Variants in ST6GALNAC3 observed in about 807,000 individuals in gnomAD.
ST6GALNAC3 encodes the protein ST6 N-acetylgalactosaminide alpha-2,6-sialyltransferase 3, also known as alpha-N-acetylgalactosaminide alpha-2,6-sialyltransferase 3.
A neutral mutation model predicts 32.7 loss-of-function variants in ST6GALNAC3; 25 were observed. The observed-to-expected ratio is 0.76, with a 90% confidence interval of 0.56 to 1.07. ST6GALNAC3 has a LOEUF of 1.07. ST6GALNAC3 is among the 50% of genes least tolerant of loss of function. The pLI, the probability that ST6GALNAC3 is intolerant of heterozygous loss-of-function variation, is 0.00. For missense variants in ST6GALNAC3, 355 were observed against 382.4 expected, an observed-to-expected ratio of 0.93 and a Z score of 0.60; for synonymous variants, 129 against 133.1, an observed-to-expected ratio of 0.97 and a Z score of 0.21.
At chr1:76,429,340 T>C (rs1655597284) in intron 3 of ST6GALNAC3, among the ~76,000 whole-genome samples, 1 of 152,176 alleles carries the variant, frequency 6.6e-6, no homozygotes, top group Non-Finnish European at 1.5e-5. Context: ...TAAAGTAGTG[T>C]CTATACTTTT....
At chr1:76,516,780 T>C (rs533922143) in intron 3 of ST6GALNAC3, among the ~76,000 whole-genome samples, 5 of 152,250 alleles carry the variant, frequency 3.3e-5, no homozygotes, top group African/African-American at 9.6e-5. Context: ...CTCTTGTAAA[T>C]GGTCCTTTGT....
At chr1:76,494,429 G>GTGTATATATA (rs1434515507) in intron 3 of ST6GALNAC3, among the ~76,000 whole-genome samples, 1 of 53,420 alleles carries the variant, frequency 1.9e-5, no homozygotes, top group African/African-American at 6.3e-5. Flanking sequence ...GTGTGCATGT[G>GTGTATATATA]TATATATATA....
At chr1:76,301,681 G>T (rs1660733415) in intron 1 of ST6GALNAC3, among the ~76,000 whole-genome samples, 2 of 151,864 alleles carry the variant, frequency 1.3e-5, no homozygotes, top group African/African-American at 4.8e-5. Context: ...TAACATGCAT[G>T]TTTCACTCTA....
In ST6GALNAC3 at chr1:76,182,824, G is replaced by A. The variant is rs938337696; in HGVS notation, c.18+107940G>A. 3.3e-5 allele frequency among the ~76,000 whole-genome samples: 5 copies of A among 150,716 alleles called. No individual in the cohort carries two copies. The East Asian group carries it at 7.7e-4, about 23-fold the overall frequency. ...CATAGATTTTCATTTTAATGGGAGTGTTGTAATACCTTCATAATTTTTTTT... is the reference window on the plus strand; with the variant it reads ...CATAGATTTTCATTTTAATGGGAGTATTGTAATACCTTCATAATTTTTTTT... On this transcript the variant is annotated intron_variant, in intron 1 of 4. Transcript: ENST00000328299.
chr1:76,135,737 C>T (rs1056536364), intron 1 of ST6GALNAC3, among the ~76,000 whole-genome samples: 2 of 152,208 alleles, frequency 1.3e-5, no homozygotes, highest in African/African-American at 4.8e-5. Flanking sequence ...TTTCAGGCAA[C>T]TTCTTCAAAG....
chr1:76,219,486 T>G (rs955082837), intron 1 of ST6GALNAC3, among the ~76,000 whole-genome samples: 1 of 152,188 alleles, frequency 6.6e-6, no homozygotes, highest in African/African-American at 2.4e-5. Flanking sequence ...GCCTGGTGTT[T>G]TATCCTAGCT....
At chr1:76,288,399 G>T (rs548055070) in intron 1 of ST6GALNAC3, among the ~76,000 whole-genome samples, 1 of 152,290 alleles carries the variant, frequency 6.6e-6, no homozygotes, top group African/African-American at 2.4e-5. Context: ...AACTACATCA[G>T]AGACCAGTCT....
At position 76,140,797 on chromosome 1, in the gene ST6GALNAC3, ATTTT is replaced by A. The variant is rs3042284; in HGVS notation, c.18+65933_18+65936del. Among the ~76,000 whole-genome samples, 271 of 120,378 alleles carry A rather than the reference ATTTT, an allele frequency of 2.3e-3. 4 individuals are homozygous for A. Among genetic ancestry groups the A allele is most frequent in the African/African-American group, 7.3e-3 (231 of 31,568 alleles). The allele number at this position is 120,378 out of a possible 152,430, so 79.0% of individuals were successfully genotyped here. On this transcript the variant is annotated intron_variant, in intron 1 of 4. Coordinates refer to ENST00000328299, the MANE Select transcript of ST6GALNAC3 (RefSeq NM_152996.4). ...TGCCCAGCTAAATTTTAATTTTCTA[ATTTT>A]TTTTTTTTTTTTTTTTTTTGGTATA...
intron 1 of ST6GALNAC3, among the ~76,000 whole-genome samples, chr1:76,291,751 T>G (rs192055581): frequency 0.048 from 5,908 of 122,548 alleles, 374 homozygotes; most frequent in African/African-American, 0.14. Flanking sequence ...TTTTAGGAAT[T>G]TAATAAAAAA....
intron 2 of ST6GALNAC3, among the ~76,000 whole-genome samples, chr1:76,400,694 C>A (rs554897647): frequency 3.3e-5 from 5 of 151,986 alleles, no homozygotes; most frequent in African/African-American, 9.6e-5. Context: ...TGAGACCAGC[C>A]TGGCCAACAT....
intron 1 of ST6GALNAC3, among the ~76,000 whole-genome samples, chr1:76,213,664 C>T (rs1465329144): frequency 6.6e-6 from 1 of 152,190 alleles, no homozygotes; most frequent in Non-Finnish European, 1.5e-5. Context: ...GTGCTTGTCA[C>T]ATGCACATTA....
chr1:76,526,578 A>T (rs985638628), intron 3 of ST6GALNAC3, among the ~76,000 whole-genome samples: 1 of 152,054 alleles, frequency 6.6e-6, no homozygotes, highest in Non-Finnish European at 1.5e-5. Context: ...CATTAGCTTT[A>T]TGTATTTCTT....
At chr1:76,410,974 T>C (rs921010003) in intron 2 of ST6GALNAC3, among the ~76,000 whole-genome samples, 5 of 152,120 alleles carry the variant, frequency 3.3e-5, no homozygotes, top group African/African-American at 1.2e-4. Flanking sequence ...CGAGAGAGGC[T>C]ACTCACCAAC....
rs137887962 is a variant in ST6GALNAC3, at chr1:76,427,555, A to T, written c.623+15138A>T. 2.0e-4 allele frequency among the ~76,000 whole-genome samples: 30 copies of T among 152,248 alleles called. No homozygotes were observed. The East Asian group carries it at 5.4e-3, about 27-fold the overall frequency. ...AATCGTATCTCCAAACTATATGAGT[A>T]CATATCTATCGAGAACCTGGACCAA... is the stretch of plus-strand genomic sequence containing the variant. On this transcript the variant is annotated intron_variant, in intron 3 of 4. Coordinates refer to ENST00000328299, the MANE Select transcript of ST6GALNAC3 (RefSeq NM_152996.4).
At chr1:76,374,556 A>G (rs190495829) in intron 2 of ST6GALNAC3, among the ~76,000 whole-genome samples, 9 of 152,356 alleles carry the variant, frequency 5.9e-5, no homozygotes, top group Middle Eastern at 6.8e-3. Context: ...TGACATGAAC[A>G]TATCGTAGAT....
downstream of ST6GALNAC3, chr1:76,636,912 A>G (rs1298919691): frequency 1.3e-5 from 2 of 152,198 alleles, no homozygotes; most frequent in Non-Finnish European, 2.9e-5. Flanking sequence ...TCTTTTAAGG[A>G]CAAGAAACTT....
intron 2 of ST6GALNAC3, among the ~76,000 whole-genome samples, chr1:76,361,640 G>A (rs1649946473): frequency 6.6e-6 from 1 of 152,048 alleles, no homozygotes; most frequent in African/African-American, 2.4e-5. Context: ...AAAACTCTTT[G>A]TCACTTAAGC....
intron 3 of ST6GALNAC3, among the ~76,000 whole-genome samples, chr1:76,479,628 C>G (rs1659594098): frequency 6.6e-6 from 1 of 152,090 alleles, no homozygotes; most frequent in South Asian, 2.1e-4. Flanking sequence ...GAAACACACT[C>G]CCATGATAAC....
intron 3 of ST6GALNAC3, among the ~76,000 whole-genome samples, chr1:76,533,962 T>G (rs1663429444): frequency 6.6e-6 from 1 of 152,198 alleles, no homozygotes; most frequent in Non-Finnish European, 1.5e-5. Flanking sequence ...AAAATTATTG[T>G]CATACGTATA....
Sources: allele counts gnomAD v4.1 joint callset (sites outside exome capture counted in the v4.1 genomes callset), GRCh38; gene constraint gnomAD v4.1.1; transcripts MANE v1.5; gene names NCBI Gene and HGNC (gene_info 2026-07-23, HGNC 2026-07-21).